HNF1B: variants seen among roughly 807,000 people sequenced by gnomAD.
HNF1B encodes the protein HNF1 homeobox B, also known as hepatocyte nuclear factor 1-beta.
A neutral mutation model predicts 61.7 loss-of-function variants in HNF1B; 8 were observed. That is an observed-to-expected ratio of 0.13 (90% CI 0.08 to 0.23). HNF1B has a LOEUF of 0.23. HNF1B is among the 10% of genes least tolerant of loss of function. The pLI is 1.00. For synonymous variants in HNF1B, 314 were observed against 287.7 expected (o/e 1.09, Z -0.93); for missense variants, 562 against 714.5 (o/e 0.79, Z 2.43).
At chr17:37,692,098 C>T (rs1167839833) in intron 8 of HNF1B, among the ~76,000 whole-genome samples, 2 of 152,190 alleles carry the variant, frequency 1.3e-5, no homozygotes, top group Non-Finnish European at 2.9e-5. Flanking sequence ...AGATAACTTG[C>T]CAGCACCCAA....
intron 4 of HNF1B, chr17:37,729,881 T>G (rs571969092): frequency 3.3e-5 from 5 of 150,184 alleles, no homozygotes; most frequent in African/African-American, 1.3e-4. Context: ...GATCCAGACT[T>G]CAGGGGCACC....
chr17:37,690,472 G>A (rs1358430070), intron 8 of HNF1B, among the ~76,000 whole-genome samples: 1 of 152,208 alleles, frequency 6.6e-6, no homozygotes, highest in African/African-American at 2.4e-5. Flanking sequence ...CCCCAGTGGG[G>A]CAAGGGTGGA....
At chr17:37,734,658 G>A (rs975739493) in intron 2 of HNF1B, among the ~76,000 whole-genome samples, 2 of 152,186 alleles carry the variant, frequency 1.3e-5, no homozygotes, top group Non-Finnish European at 2.9e-5. Context: ...TCTGCATGAA[G>A]CAGGGCTCAT....
At chr17:37,702,067 A>G (rs1372422835) in intron 6 of HNF1B, among the ~76,000 whole-genome samples, 1 of 152,048 alleles carries the variant, frequency 6.6e-6, no homozygotes, top group Non-Finnish European at 1.5e-5. Context: ...GTAGGATCGG[A>G]GTGGGGACAG....
At chr17:37,691,479 A>G (rs895364733) in intron 8 of HNF1B, among the ~76,000 whole-genome samples, 1 of 152,108 alleles carries the variant, frequency 6.6e-6, no homozygotes, top group African/African-American at 2.4e-5. Flanking sequence ...CGGGGAAATA[A>G]ATGCCCTTTG....
At chr17:37,728,456 G>A (rs1347221160) in intron 4 of HNF1B, among the ~76,000 whole-genome samples, 14 of 151,940 alleles carry the variant, frequency 9.2e-5, no homozygotes, top group Admixed American at 5.2e-4. Flanking sequence ...ACAGGCACCC[G>A]CCACCACACC....
Position 37,690,579 on chromosome 17 carries a change from T to C in HNF1B, c.1654-3187A>G, listed in dbSNP as rs141304662. On this transcript the variant is annotated intron_variant, in intron 8 of 8. Transcript: ENST00000617811. ...GTCCTGATGGGAGTGTGAGAAGAGG[T>C]CAGATTTAGGATGTATTCTGAGGGT... is the stretch of plus-strand genomic sequence containing the variant. Among the ~76,000 whole-genome samples, 469 of 151,774 alleles carry C rather than the reference T, an allele frequency of 3.1e-3. 2 individuals carry two copies. Among genetic ancestry groups the C allele is most frequent in the African/African-American group, 0.011 (456 of 41,346 alleles).
chr17:37,724,356 T>C (rs996394628), intron 4 of HNF1B, among the ~76,000 whole-genome samples: 1 of 152,174 alleles, frequency 6.6e-6, no homozygotes, highest in Non-Finnish European at 1.5e-5. Flanking sequence ...TACTGATATG[T>C]AGTCCCACTC....
chr17:37,687,130 G>T lies in HNF1B; in HGVS notation c.*242C>A. On this transcript the variant is annotated 3_prime_UTR_variant, in exon 9 of 9. Coordinates refer to ENST00000617811, the MANE Select transcript of HNF1B (RefSeq NM_000458.4). ...TTGTCTCCCACCTCCAGGACAGACA[G>T]GAGTCCTTGACATCGTGGGAGAGGC... 1.5e-6 allele frequency: 1 copy of T among 657,570 alleles called. No individual in the cohort carries two copies. The highest frequency in any genetic ancestry group is 1.7e-5 in the South Asian group (1 of 57,264). 40.7% of individuals were successfully genotyped at this position (657,570 alleles called of 1,614,324 possible). A position where few individuals can be genotyped will look rare whatever the true frequency, so the allele number is the denominator to read the frequency against.
intron 4 of HNF1B, among the ~76,000 whole-genome samples, chr17:37,725,120 C>A (rs1258967894): frequency 6.6e-6 from 1 of 152,170 alleles, no homozygotes; most frequent in Non-Finnish European, 1.5e-5. Flanking sequence ...ATACCTAATT[C>A]TCTCCAAGTT....
intron 1 of HNF1B, among the ~76,000 whole-genome samples, chr17:37,743,085 G>C (rs867031833): frequency 1.3e-5 from 2 of 152,058 alleles, no homozygotes; most frequent in Non-Finnish European, 1.5e-5. Flanking sequence ...CGGCCAGCCC[G>C]GCGCGGGGCT....
At chr17:37,703,328 T>C (rs1568640136) in intron 6 of HNF1B, among the ~76,000 whole-genome samples, 1 of 151,982 alleles carries the variant, frequency 6.6e-6, no homozygotes, top group East Asian at 1.9e-4. Context: ...CATCGTGAAA[T>C]GATAGAGAAA....
chr17:37,744,245 G>A (rs1006691966), intron 1 of HNF1B, among the ~76,000 whole-genome samples: 1 of 152,208 alleles, frequency 6.6e-6, no homozygotes, highest in Non-Finnish European at 1.5e-5. Flanking sequence ...CAAACCTCCC[G>A]GCAAAGGGCT....
At chr17:37,743,610 T>C (rs961148119) in intron 1 of HNF1B, among the ~76,000 whole-genome samples, 1 of 152,170 alleles carries the variant, frequency 6.6e-6, no homozygotes, top group South Asian at 2.1e-4. Context: ...ATGGGCTCTG[T>C]CCTAAAGCGG....
Position 37,701,053 on chromosome 17 carries a change from C to T in HNF1B, c.1464G>A (p.Gln488=). 6.4e-7 allele frequency: 1 copy of T among 1,555,452 alleles called. No homozygotes were observed. Among genetic ancestry groups the T allele is most frequent in the East Asian group, 2.4e-5 (1 of 41,598 alleles). ...LHSPHQQPLM[Q]QSPGSHMAQQ... is the part of the protein sequence containing the mutation. ...GGGCCATGTGGCTGCCTGGGCTCTG[C>T]TGCATGAGGGGCTGCTGGTGAGGGC... Residue 488 remains glutamine (Q), a synonymous_variant, in exon 7 of 9, where the codon CAG becomes CAA. Transcript: ENST00000617811.
chr17:37,743,690 A>G (rs2034072864), intron 1 of HNF1B, among the ~76,000 whole-genome samples: 2 of 152,218 alleles, frequency 1.3e-5, no homozygotes, highest in Non-Finnish European at 2.9e-5. Context: ...ACCAGCTGTC[A>G]AAGTCTAGGG....
intron 4 of HNF1B, chr17:37,720,793 G>A (rs760780315): frequency 1.6e-4 from 160 of 985,160 alleles, no homozygotes; most frequent in Middle Eastern, 5.2e-4. Context: ...CATACATACA[G>A]AGCAAGGTGT....
intron 4 of HNF1B, among the ~76,000 whole-genome samples, chr17:37,724,156 C>A (rs1308613209): frequency 6.6e-6 from 1 of 152,204 alleles, no homozygotes; most frequent in Admixed American, 6.5e-5. Flanking sequence ...TCTTCAACAG[C>A]ACCTGGGAAC....
chr17:37,728,346 A>G (rs569805856), intron 4 of HNF1B, among the ~76,000 whole-genome samples: 24 of 144,304 alleles, frequency 1.7e-4, no homozygotes, highest in Non-Finnish European at 2.7e-4. Context: ...TCGCTCTGTC[A>G]CCCAGGCTAG....
Sources: allele counts gnomAD v4.1 joint callset (sites outside exome capture counted in the v4.1 genomes callset), GRCh38; gene constraint gnomAD v4.1.1; transcripts MANE v1.5; gene names NCBI Gene and HGNC (gene_info 2026-07-23, HGNC 2026-07-21).